Variants in ENTPD1 observed in about 807,000 individuals in gnomAD.
The protein encoded by ENTPD1 is ectonucleoside triphosphate diphosphohydrolase 1.
ENTPD1 carries 33 observed loss-of-function variants against 57.0 expected under a neutral mutation model. The ratio of observed to expected loss-of-function variants is 0.58; its 90% confidence interval spans 0.44 to 0.77. The LOEUF is 0.77. ENTPD1 is among the 30% of genes least tolerant of loss of function. The probability of loss-of-function intolerance (pLI) is 0.00; values close to 1 mark genes in which losing one functional copy is unlikely to be tolerated. For synonymous variants in ENTPD1, 202 were observed against 218.8 expected (o/e 0.92, Z 0.68); for missense variants, 501 against 603.4 (o/e 0.83, Z 1.78).
At chr10:95,721,958 G>A (rs1165208176) in intron 1 of ENTPD1, among the ~76,000 whole-genome samples, 1 of 152,166 alleles carries the variant, frequency 6.6e-6, no homozygotes, top group Non-Finnish European at 1.5e-5. Context: ...GGGGTGAGTT[G>A]TAGAGCTGGG....
chr10:95,855,700 T>C (rs2098453338), intron 7 of ENTPD1, among the ~76,000 whole-genome samples: 1 of 152,214 alleles, frequency 6.6e-6, no homozygotes, highest in African/African-American at 2.4e-5. Flanking sequence ...TTATGAAGCT[T>C]AGGTTGGCTG....
chr10:95,854,123 C>G (rs1298406817), intron 7 of ENTPD1, among the ~76,000 whole-genome samples: 1 of 152,154 alleles, frequency 6.6e-6, no homozygotes, highest in South Asian at 2.1e-4. Context: ...TGTTATTGGT[C>G]TATTCAGAGA....
chr10:95,697,710 A>G, the ENTPD1 span, among the ~76,000 whole-genome samples: 1 of 152,212 alleles, frequency 6.6e-6, no homozygotes, highest in African/African-American at 2.4e-5. Context: ...GCCAGCAGCA[A>G]GAAGGTTCTT....
intron 1 of ENTPD1, among the ~76,000 whole-genome samples, chr10:95,747,042 A>G (rs553758743): frequency 6.6e-5 from 10 of 152,320 alleles, no homozygotes; most frequent in Non-Finnish European, 8.8e-5. Flanking sequence ...GCATGGATCT[A>G]TTGCTGGTAG....
At chr10:95,700,328 A>T in the ENTPD1 span, among the ~76,000 whole-genome samples, 86 of 152,298 alleles carry the variant, frequency 5.6e-4, no homozygotes, top group African/African-American at 1.9e-3. Context: ...TACAAGTCCA[A>T]TGTTTGATTA....
chr10:95,762,539 A>C (rs1032578539), intron 1 of ENTPD1, among the ~76,000 whole-genome samples: 1 of 152,154 alleles, frequency 6.6e-6, no homozygotes, highest in African/African-American at 2.4e-5. Context: ...AGTGAAGCAC[A>C]TGTATTTTCC....
At chr10:95,841,449 A>G (rs934732720) in intron 3 of ENTPD1, among the ~76,000 whole-genome samples, 3 of 152,194 alleles carry the variant, frequency 2.0e-5, no homozygotes, top group African/African-American at 7.2e-5. Context: ...TTGGCCTAAC[A>G]ATGAAGGATT....
upstream of ENTPD1, among the ~76,000 whole-genome samples, chr10:95,707,881 AG>A (rs562949142): frequency 6.6e-5 from 10 of 152,224 alleles, no homozygotes; most frequent in Non-Finnish European, 1.3e-4. Flanking sequence ...CTGGGATTAC[AG>A]GTGTGAGCCA....
At chr10:95,766,782 A>C (rs1162267013) in intron 1 of ENTPD1, among the ~76,000 whole-genome samples, 1 of 150,518 alleles carries the variant, frequency 6.6e-6, no homozygotes, top group Non-Finnish European at 1.5e-5. Flanking sequence ...TTTTTCTGTT[A>C]TGCTTTTTGC....
At chr10:95,781,554 A>G (rs1449736993) in intron 1 of ENTPD1, among the ~76,000 whole-genome samples, 2 of 152,208 alleles carry the variant, frequency 1.3e-5, no homozygotes, top group South Asian at 2.1e-4. Context: ...CAAGTACCCC[A>G]TAAATATAGA....
intron 3 of ENTPD1, among the ~76,000 whole-genome samples, chr10:95,841,350 A>G (rs1313555687): frequency 7.9e-5 from 12 of 151,844 alleles, no homozygotes; most frequent in Non-Finnish European, 8.8e-5. Context: ...TCGCGCCACT[A>G]CACTCCAGCC....
chr10:95,736,254 G>A lies in ENTPD1; in HGVS notation c.37+24261G>A, dbSNP rs1001116172. 3.3e-5 allele frequency among the ~76,000 whole-genome samples: 5 copies of A among 151,956 alleles called. No individual in the cohort carries two copies. The South Asian group carries it at 8.3e-4, about 25-fold the overall frequency. ...TGGCCTCAAGTGATCCACCTGCCTC[G>A]GCCTCCCAAAGTGCTGGGATTACAG... On this transcript the variant is annotated intron_variant, in intron 1 of 9. Coordinates refer to the ENTPD1 transcript ENST00000453258.
intron 3 of ENTPD1, among the ~76,000 whole-genome samples, chr10:95,841,114 C>T (rs182848689): frequency 2.6e-4 from 39 of 152,248 alleles, no homozygotes; most frequent in South Asian, 4.2e-4. Flanking sequence ...TGGCCAAGCA[C>T]GGTGGCTCAT....
At chr10:95,817,187 ACT>A (rs1467123161) in intron 1 of ENTPD1, among the ~76,000 whole-genome samples, 1 of 151,870 alleles carries the variant, frequency 6.6e-6, no homozygotes, top group Admixed American at 6.6e-5. Context: ...CTCAGAAAAG[ACT>A]CTCCAGTGCT....
chr10:95,802,585 C>T (rs1463922725), intron 1 of ENTPD1, among the ~76,000 whole-genome samples: 2 of 152,104 alleles, frequency 1.3e-5, no homozygotes, highest in African/African-American at 4.8e-5. Context: ...TTAGGTATTT[C>T]TCCTAATGCT....
At chr10:95,755,950 A>G (rs888011208), upstream of ENTPD1, 11 of 1,472,528 alleles carry the variant, frequency 7.5e-6, no homozygotes, top group African/African-American at 1.4e-4. Context: ...AGATTTGAAT[A>G]TACATTGCTT....
chr10:95,736,584 T>C (rs2097994882), intron 1 of ENTPD1, among the ~76,000 whole-genome samples: 2 of 152,180 alleles, frequency 1.3e-5, no homozygotes, highest in African/African-American at 4.8e-5. Flanking sequence ...TATAGGTTTT[T>C]GTTAAAATGT....
chr10:95,736,973 G>A (rs1190215401), intron 1 of ENTPD1, among the ~76,000 whole-genome samples: 1 of 152,136 alleles, frequency 6.6e-6, no homozygotes, highest in African/African-American at 2.4e-5. Context: ...AAGTAATTTT[G>A]TCTGTGTGTG....
chr10:95,774,760 AG>A (rs2098127537), intron 1 of ENTPD1, among the ~76,000 whole-genome samples: 1 of 152,188 alleles, frequency 6.6e-6, no homozygotes, highest in Non-Finnish European at 1.5e-5. Context: ...GAAGTCAGGT[AG>A]TGTGATGCTT....
Sources: gnomAD v4.1 joint callset for allele counts (sites outside exome capture counted in the v4.1 genomes callset) on GRCh38, gnomAD v4.1.1 for gene constraint, MANE v1.5 for transcripts, NCBI Gene and HGNC (gene_info 2026-07-23, HGNC 2026-07-21) for gene names.